The following RBFOX1 variants were observed in gnomAD, a reference collection of about 807,000 sequenced individuals.
RBFOX1 encodes the protein RNA binding protein fox-1 homolog 1.
RBFOX1 carries 8 observed loss-of-function variants against 57.7 expected under a neutral mutation model. That is an observed-to-expected ratio of 0.14 (90% CI 0.08 to 0.25). RBFOX1 has a LOEUF of 0.25. Among genes scored for constraint, RBFOX1 ranks in the 10% least tolerant of loss-of-function variants. The probability of loss-of-function intolerance (pLI) is 1.00; values close to 1 mark genes in which losing one functional copy is unlikely to be tolerated. For missense variants in RBFOX1, 611 were observed against 548.5 expected (o/e 1.11, Z -1.14); for synonymous variants, 326 against 222.4 (o/e 1.47, Z -4.15).
intron 3 of RBFOX1, among the ~76,000 whole-genome samples, chr16:5,655,291 G>A (rs1482905912): frequency 6.6e-6 from 1 of 152,106 alleles, no homozygotes; most frequent in Non-Finnish European, 1.5e-5. Flanking sequence ...TTTTGAGTGT[G>A]GACTTGATAG....
intron 3 of RBFOX1, among the ~76,000 whole-genome samples, chr16:6,730,388 C>T (rs2068241680): frequency 6.6e-6 from 1 of 150,680 alleles, no homozygotes; most frequent in African/African-American, 2.5e-5. Flanking sequence ...CTCTCTCTGT[C>T]TCTATCATCT....
intron 3 of RBFOX1, among the ~76,000 whole-genome samples, chr16:5,792,482 G>A (rs763555761): frequency 5.9e-5 from 9 of 152,164 alleles, no homozygotes; most frequent in Non-Finnish European, 8.8e-5. Flanking sequence ...GAACGCAAAT[G>A]TTCTATGTAA....
intron 2 of RBFOX1, among the ~76,000 whole-genome samples, chr16:6,615,229 A>G (rs1463135294): frequency 1.3e-5 from 2 of 152,216 alleles, no homozygotes; most frequent in African/African-American, 2.4e-5. Context: ...TATACAGAGA[A>G]CTTCCCAGTG....
chr16:6,929,886 C>G (rs369089239), intron 3 of RBFOX1, among the ~76,000 whole-genome samples: 2 of 152,136 alleles, frequency 1.3e-5, no homozygotes, highest in South Asian at 4.1e-4. Flanking sequence ...ACTGCTTTAG[C>G]CCTTATGGAG....
intron 3 of RBFOX1, among the ~76,000 whole-genome samples, chr16:6,814,480 T>A (rs2089586816): frequency 6.6e-6 from 1 of 152,286 alleles, no homozygotes; most frequent in South Asian, 2.1e-4. Context: ...TCTAGCTTCA[T>A]GGGGCTTAGA....
At chr16:5,311,831 G>T (rs920333923) in intron 1 of RBFOX1, among the ~76,000 whole-genome samples, 8 of 152,166 alleles carry the variant, frequency 5.3e-5, no homozygotes. Context: ...CAATCTAGAT[G>T]CAGCTTCAGC....
chr16:5,282,125 A>C (rs1185712721), intron 1 of RBFOX1, among the ~76,000 whole-genome samples: 1 of 152,140 alleles, frequency 6.6e-6, no homozygotes, highest in African/African-American at 2.4e-5. Context: ...CAGTCTCATG[A>C]GATCTGAGAG....
At chr16:5,705,640 C>A (rs535543395) in intron 3 of RBFOX1, among the ~76,000 whole-genome samples, 2 of 152,262 alleles carry the variant, frequency 1.3e-5, no homozygotes, top group East Asian at 3.9e-4. Flanking sequence ...CAATGTGGGA[C>A]CATTAAGTGA....
rs1402230284 is a variant in RBFOX1 at position 6,038,592 on chromosome 16, C to T, written c.-127+18600C>T. On this transcript the variant is annotated intron_variant, in intron 1 of 15. Transcript: ENST00000550418. ...ATCATCCATATATATATATAAAATC[C>T]ATATATATATATATATCTCCATGGA... 299 of 135,604 alleles carry T rather than the reference C, an allele frequency of 2.2e-3. 5 individuals carry two copies. Among genetic ancestry groups the T allele is most frequent in the African/African-American group, 7.9e-3 (292 of 36,756 alleles). 8.4% of individuals were successfully genotyped at this position (135,604 alleles called of 1,614,324 possible).
intron 3 of RBFOX1, among the ~76,000 whole-genome samples, chr16:6,771,042 G>T (rs1042239744): frequency 1.3e-5 from 2 of 152,084 alleles, no homozygotes; most frequent in African/African-American, 4.8e-5. Flanking sequence ...GTTAATTCGG[G>T]TTTCATGAGG....
intron 1 of RBFOX1, among the ~76,000 whole-genome samples, chr16:5,419,963 G>A (rs1031830681): frequency 6.6e-6 from 1 of 152,128 alleles, no homozygotes; most frequent in African/African-American, 2.4e-5. Context: ...GTCTTTGCTG[G>A]TGTCTGCAGA....
In RBFOX1 at chr16:6,767,944, TAATAAGAAGAAG is replaced by T. The variant is rs1419623741; in HGVS notation, c.-16+113297_-16+113308del. Among the ~76,000 whole-genome samples, 237 of 86,634 alleles carry T rather than the reference TAATAAGAAGAAG, an allele frequency of 2.7e-3. 1 individual carries two copies. Among genetic ancestry groups the T allele is most frequent in the Middle Eastern group, 0.016 (3 of 186 alleles). 56.8% of individuals were successfully genotyped at this position (86,634 alleles called of 152,430 possible). A position where few individuals can be genotyped will look rare whatever the true frequency, so the allele number is the denominator to read the frequency against. On this transcript the variant is annotated intron_variant, in intron 3 of 15. Transcript: ENST00000550418. ...ATAATAATAATAATAATAATAATAA[TAATAAGAAGAAG>T]AAGAAGAAGAAGAAGAAGAAGAAGA...
At chr16:7,398,187 C>G (rs1176269606) in intron 4 of RBFOX1, among the ~76,000 whole-genome samples, 1 of 152,184 alleles carries the variant, frequency 6.6e-6, no homozygotes, top group Admixed American at 6.5e-5. Flanking sequence ...TAGGAGATGC[C>G]TCAGACGCTT....
chr16:5,368,767 A>AT (rs551780681), intron 1 of RBFOX1, among the ~76,000 whole-genome samples: 5,169 of 151,972 alleles, frequency 0.034, 133 homozygotes, highest in Middle Eastern at 0.051. Flanking sequence ...CTCAGCGTTG[A>AT]TTTTTTCCCT....
intron 1 of RBFOX1, among the ~76,000 whole-genome samples, chr16:5,298,639 TCCCTCCCACTG>T (rs2063734145): frequency 7.3e-5 from 1 of 13,608 alleles, no homozygotes; most frequent in Non-Finnish European, 1.5e-4. Context: ...TCCTTTCCCC[TCCCTCCCACTG>T]CCCCTCCCTC....
intron 4 of RBFOX1, among the ~76,000 whole-genome samples, chr16:7,341,782 CCTTCCTTCCTTCCTTCCT>C (rs2096901397): frequency 1.5e-5 from 1 of 68,786 alleles, no homozygotes; most frequent in Non-Finnish European, 3.1e-5. Context: ...CTCCCTCCTT[CCTTCCTTCCTTCCTTCCT>C]TCCTTCCTTC....
At chr16:6,315,499 G>A (rs754141727) in intron 1 of RBFOX1, among the ~76,000 whole-genome samples, 17 of 150,576 alleles carry the variant, frequency 1.1e-4, no homozygotes, top group Non-Finnish European at 2.5e-4. Flanking sequence ...GTAGATAGGT[G>A]GATGGATGGA....
Position 5,944,619 on chromosome 16 carries a change from A to G in RBFOX1, c.351+77284A>G, listed in dbSNP as rs575536167. Among the ~76,000 whole-genome samples, 124 of 151,244 alleles carry G rather than the reference A, an allele frequency of 8.2e-4. 3 individuals are homozygous for G. In the South Asian group the frequency reaches 0.023, roughly 29 times the overall value. On this transcript the variant is annotated intron_variant, in intron 4 of 19. Transcript: ENST00000641259. ...TCAGATGGAGGCAACGAGGAAATCT[A>G]TACTGTCCCCGCCATTGTCACCTTT...
At chr16:6,608,760 A>G (rs370618702) in intron 2 of RBFOX1, among the ~76,000 whole-genome samples, 2 of 152,240 alleles carry the variant, frequency 1.3e-5, no homozygotes, top group Admixed American at 6.5e-5. Context: ...CATCAGAGCA[A>G]GAGCTTGTCT....
Sources: gnomAD v4.1 joint callset for allele counts (sites outside exome capture counted in the v4.1 genomes callset) on GRCh38, gnomAD v4.1.1 for gene constraint, MANE v1.5 for transcripts, NCBI Gene and HGNC (gene_info 2026-07-23, HGNC 2026-07-21) for gene names.